Variants in SIPA1L3 observed in about 807,000 individuals in gnomAD.
SIPA1L3 encodes signal induced proliferation associated 1 like 3, also known as signal-induced proliferation-associated 1-like protein 3.
SIPA1L3 carries 59 observed loss-of-function variants against 150.1 expected under a neutral mutation model. The ratio of observed to expected loss-of-function variants is 0.39; its 90% CI spans 0.32 to 0.49. SIPA1L3 has a LOEUF of 0.49. SIPA1L3 is among the 20% of genes least tolerant of loss of function. SIPA1L3 has a pLI of 0.86. For missense variants in SIPA1L3, 2,211 were observed against 2,489.5 expected (o/e 0.89, Z 2.38); for synonymous variants, 1,070 against 1,077.6 (o/e 0.99, Z 0.14).
chr19:38,204,259 G>A (rs775993322), intron 21 of SIPA1L3, 51 bp downstream of exon 21: 3 of 1,494,286 alleles, frequency 2.0e-6, no homozygotes, highest in African/African-American at 2.8e-5. Flanking sequence ...ACACTGGGCA[G>A]GGCAGTCAGC....
chr19:37,925,293 A>G (rs1486038806), intron 1 of SIPA1L3, among the ~76,000 whole-genome samples: 1 of 152,192 alleles, frequency 6.6e-6, no homozygotes, highest in South Asian at 2.1e-4. Flanking sequence ...GTTATGCAAC[A>G]CATGACTGCG....
chr19:38,113,118 A>G (rs1970803517), intron 8 of SIPA1L3, among the ~76,000 whole-genome samples: 1 of 152,000 alleles, frequency 6.6e-6, no homozygotes, highest in Non-Finnish European at 1.5e-5. Flanking sequence ...GGTTGAGGCA[A>G]GAGAATCGCT....
chr19:38,004,143 T>G (rs1967878131), intron 1 of SIPA1L3, among the ~76,000 whole-genome samples: 1 of 152,220 alleles, frequency 6.6e-6, no homozygotes, highest in African/African-American at 2.4e-5. Context: ...AAATCACTTT[T>G]AATCCATTTA....
chr19:38,012,468 C>T (rs1599902784), intron 1 of SIPA1L3, among the ~76,000 whole-genome samples: 2 of 152,102 alleles, frequency 1.3e-5, no homozygotes, highest in Admixed American at 1.3e-4. Context: ...GTACAGGGAA[C>T]CTCCCCTGCT....
intron 3 of SIPA1L3, among the ~76,000 whole-genome samples, 155 bp downstream of exon 3, chr19:38,083,254 G>C (rs1418756946): frequency 6.6e-6 from 1 of 152,130 alleles, no homozygotes; most frequent in Admixed American, 6.5e-5. Flanking sequence ...TGAGGATCCG[G>C]TGAGCAGAGC....
Position 38,198,540 on chromosome 19 carries a change from C to T in SIPA1L3, c.4984+8C>T, listed in dbSNP as rs375059085. Reference sequence around the variant, plus strand: ...CAGCCAAGGCATACGAAGGTAGGCGCCTTCCACCCAGTCCCGCCAGGCCCC... The same window carrying T: ...CAGCCAAGGCATACGAAGGTAGGCGTCTTCCACCCAGTCCCGCCAGGCCCC... On this transcript the variant is annotated splice_region_variant and intron_variant, in intron 19 of 21. Coordinates refer to ENST00000222345, the MANE Select transcript of SIPA1L3 (RefSeq NM_015073.3). The T allele has an allele frequency of 8.5e-6, 13 of 1,530,590 alleles. No individual in the cohort carries two copies. In the African/African-American group the frequency reaches 1.4e-4, roughly 17 times the overall value. 94.8% of individuals were successfully genotyped at this position (1,530,590 alleles called of 1,614,324 possible).
intron 2 of SIPA1L3, among the ~76,000 whole-genome samples, chr19:38,032,852 C>CAAA (rs34941718): frequency 6.9e-6 from 1 of 145,942 alleles, no homozygotes; most frequent in Non-Finnish European, 1.5e-5. Context: ...GACTCGGTCT[C>CAAA]AAAAAAAAAA....
chr19:38,048,375 A>G (rs1424211330), intron 2 of SIPA1L3, among the ~76,000 whole-genome samples: 1 of 152,132 alleles, frequency 6.6e-6, no homozygotes, highest in Admixed American at 6.5e-5. Context: ...TGGTTCCAGA[A>G]TGGCTTCCAG....
intron 6 of SIPA1L3, 49 bp downstream of exon 6, chr19:38,101,275 C>T: frequency 1.5e-6 from 2 of 1,339,904 alleles, no homozygotes; most frequent in Admixed American, 3.1e-5. Context: ...TGCACTCCTA[C>T]TCAACAGGCA....
intron 4 of SIPA1L3, among the ~76,000 whole-genome samples, chr19:38,096,948 C>G (rs1371659447): frequency 6.6e-6 from 1 of 152,188 alleles, no homozygotes; most frequent in African/African-American, 2.4e-5. Context: ...GGAAGCAGTT[C>G]TGGTGCTCAT....
intron 1 of SIPA1L3, among the ~76,000 whole-genome samples, chr19:37,935,569 C>T (rs979790504): frequency 6.6e-6 from 1 of 152,136 alleles, no homozygotes; most frequent in African/African-American, 2.4e-5. Context: ...GGTTCTTCTG[C>T]TGGTCTTGCT....
At chr19:38,112,052 G>GCA (rs541025549) in intron 8 of SIPA1L3, among the ~76,000 whole-genome samples, 2 of 142,054 alleles carry the variant, frequency 1.4e-5, no homozygotes, top group Non-Finnish European at 1.5e-5. Flanking sequence ...GTCCACACAT[G>GCA]CACACACACG....
chr19:38,014,177 C>T (rs1293750920), intron 1 of SIPA1L3, among the ~76,000 whole-genome samples: 3 of 152,222 alleles, frequency 2.0e-5, no homozygotes, highest in Admixed American at 1.3e-4. Flanking sequence ...CCATGGCATT[C>T]GTGCTGGTAA....
chr19:38,012,387 G>T (rs1308585611), intron 1 of SIPA1L3, among the ~76,000 whole-genome samples: 1 of 152,024 alleles, frequency 6.6e-6, no homozygotes, highest in Non-Finnish European at 1.5e-5. Context: ...TGAGTCTTAA[G>T]GGATGAAGGG....
Position 38,182,681 on chromosome 19 carries a change from A to G in SIPA1L3, c.4371A>G (p.Thr1457=). 1 of 1,614,134 alleles carries G rather than the reference A, an allele frequency of 6.2e-7. No homozygotes were observed. Among genetic ancestry groups the G allele is most frequent in the South Asian group, 1.1e-5 (1 of 91,070 alleles). The change falls in exon 16 of 22, where the codon ACA becomes ACG. Residue 1457 remains threonine (T), a synonymous_variant. Transcript: ENST00000222345. The stretch of plus-strand genomic sequence containing the variant: ...AGCCTGTACGCAATAAGCACCCAAC[A>G]GGGTGGAAGAGAACGGAGGAGCCCC... The part of the protein sequence containing the change: ...SKQPVRNKHP[T]GWKRTEEPPP...
rs1023270949 is a variant in SIPA1L3 at position 38,089,348 on chromosome 19, G to A, written c.1665+497G>A. On this transcript the variant is annotated intron_variant, in intron 4 of 21. Coordinates refer to ENST00000222345, the MANE Select transcript of SIPA1L3 (RefSeq NM_015073.3). The stretch of plus-strand genomic sequence containing the variant: ...TGTCTCAAAAAAAAAAAAAAAAAAA[G>A]AAAAAAAAAATTAAATGATTTCTAT... Among the ~76,000 whole-genome samples, 989 of 135,722 alleles carry A rather than the reference G, an allele frequency of 7.3e-3. 1 individual carries two copies. The highest frequency in any genetic ancestry group is 0.023 in the Middle Eastern group (6 of 260). The allele number at this position is 135,722 out of a possible 152,430, so 89.0% of individuals were successfully genotyped here. A position where few individuals can be genotyped will look rare whatever the true frequency, so the allele number is the denominator to read the frequency against.
chr19:38,085,372 C>T (rs1385985780), intron 3 of SIPA1L3, among the ~76,000 whole-genome samples: 7 of 148,536 alleles, frequency 4.7e-5, no homozygotes, highest in South Asian at 4.3e-4. Context: ...CCCAGCTACT[C>T]GGGAGGCTGA....
chr19:37,951,366 A>G (rs923622596), intron 1 of SIPA1L3, among the ~76,000 whole-genome samples: 3 of 152,366 alleles, frequency 2.0e-5, no homozygotes, highest in Middle Eastern at 3.4e-3. Flanking sequence ...GAGAATTGTC[A>G]TGAAGACTCA....
intron 15 of SIPA1L3, among the ~76,000 whole-genome samples, chr19:38,169,291 A>G (rs1162596843): frequency 1.3e-5 from 2 of 152,066 alleles, no homozygotes; most frequent in East Asian, 3.9e-4. Context: ...CTGGAGGCTG[A>G]GGCGGGAGAA....
Sources: gnomAD v4.1 joint callset for allele counts (sites outside exome capture counted in the v4.1 genomes callset) on GRCh38, gnomAD v4.1.1 for gene constraint, MANE v1.5 for transcripts, NCBI Gene and HGNC (gene_info 2026-07-23, HGNC 2026-07-21) for gene names.